FAM171A1: variants seen among roughly 807,000 people sequenced by gnomAD.
FAM171A1 encodes family with sequence similarity 171 member A1.
Under a neutral mutation model 74.9 loss-of-function variants are expected in FAM171A1, and 23 were observed. The observed-to-expected ratio is 0.31, with a 90% CI of 0.22 to 0.44. The LOEUF is 0.44. Ranked by LOEUF, FAM171A1 falls within the 20% of genes least tolerant of loss-of-function variation. The pLI, the probability that FAM171A1 is intolerant of heterozygous loss-of-function variation, is 1.00. For missense variants in FAM171A1, 1,162 were observed against 1,159.2 expected, an observed-to-expected ratio of 1.00 and a Z score of -0.03; for synonymous variants, 527 against 505.7, an observed-to-expected ratio of 1.04 and a Z score of -0.57.
intron 1 of FAM171A1, among the ~76,000 whole-genome samples, chr10:15,294,790 G>C (rs1051324023): frequency 2.6e-5 from 4 of 152,226 alleles, no homozygotes; most frequent in Non-Finnish European, 4.4e-5. Context: ...AGTTAAGAGT[G>C]AACAAGAGGA....
chr10:15,320,507 T>C (rs1835474380), intron 1 of FAM171A1, among the ~76,000 whole-genome samples: 1 of 152,268 alleles, frequency 6.6e-6, no homozygotes, highest in East Asian at 1.9e-4. Flanking sequence ...CCAGGTCGAA[T>C]GGCAGTTCTG....
At chr10:15,296,930 G>A (rs919465286) in intron 1 of FAM171A1, among the ~76,000 whole-genome samples, 1 of 152,210 alleles carries the variant, frequency 6.6e-6, no homozygotes, top group African/African-American at 2.4e-5. Context: ...TGAAAAGGCA[G>A]CCATGTGGTA....
At chr10:15,307,065 G>C (rs1835304364) in intron 1 of FAM171A1, among the ~76,000 whole-genome samples, 1 of 152,180 alleles carries the variant, frequency 6.6e-6, no homozygotes, top group Non-Finnish European at 1.5e-5. Context: ...AAGGCTCTCT[G>C]TTGGGTGACC....
chr10:15,362,134 A>G (rs1003020885), intron 1 of FAM171A1, among the ~76,000 whole-genome samples: 8 of 152,222 alleles, frequency 5.3e-5, no homozygotes, highest in Admixed American at 3.9e-4. Flanking sequence ...TGAAATCCAC[A>G]TTTGATCATC....
intron 1 of FAM171A1, among the ~76,000 whole-genome samples, chr10:15,327,360 A>G (rs1200493754): frequency 2.6e-5 from 4 of 152,176 alleles, no homozygotes; most frequent in Admixed American, 2.6e-4. Context: ...TAAGAATGTC[A>G]CAAATATGAC....
intron 1 of FAM171A1, among the ~76,000 whole-genome samples, chr10:15,328,149 T>C (rs979525660): frequency 6.6e-6 from 1 of 152,036 alleles, no homozygotes; most frequent in South Asian, 2.1e-4. Context: ...GACTGTTTTT[T>C]AAAATTTTTT....
At chr10:15,333,733 G>A (rs79167764) in intron 1 of FAM171A1, among the ~76,000 whole-genome samples, 3,067 of 151,702 alleles carry the variant, frequency 0.02, 102 homozygotes, top group African/African-American at 0.07. Flanking sequence ...CTACTCAGGG[G>A]ACTGTCATGG....
At chr10:15,312,984 C>T (rs183410560) in intron 1 of FAM171A1, among the ~76,000 whole-genome samples, 8 of 151,934 alleles carry the variant, frequency 5.3e-5, no homozygotes, top group East Asian at 1.9e-4. Context: ...GGTGAGCCAC[C>T]GTGCCCGGCC....
intron 1 of FAM171A1, among the ~76,000 whole-genome samples, chr10:15,330,840 C>T (rs1276665646): frequency 1.3e-5 from 2 of 150,856 alleles, no homozygotes; most frequent in East Asian, 3.9e-4. Context: ...GCCTCAGCCT[C>T]CCGAGTAGCT....
intron 1 of FAM171A1, among the ~76,000 whole-genome samples, chr10:15,362,889 T>C (rs1588572650): frequency 6.6e-6 from 1 of 152,368 alleles, no homozygotes; most frequent in African/African-American, 2.4e-5. Flanking sequence ...TTTCCACTTA[T>C]TTTCCAATAG....
At chr10:15,323,347 G>T (rs1451140490) in intron 1 of FAM171A1, among the ~76,000 whole-genome samples, 1 of 152,054 alleles carries the variant, frequency 6.6e-6, no homozygotes, top group African/African-American at 2.4e-5. Flanking sequence ...CAGCTACTTG[G>T]GAAGCTGAGA....
intron 2 of FAM171A1, among the ~76,000 whole-genome samples, chr10:15,278,887 C>A (rs776823304): frequency 3.9e-5 from 6 of 152,106 alleles, no homozygotes; most frequent in African/African-American, 7.2e-5. Flanking sequence ...CTATTATCAG[C>A]GATCCTTTCA....
chr10:15,274,695 C>A (rs1193067569), intron 3 of FAM171A1, among the ~76,000 whole-genome samples: 1 of 152,116 alleles, frequency 6.6e-6, no homozygotes, highest in Non-Finnish European at 1.5e-5. Context: ...GACATATAGA[C>A]CAATGGAACA....
chr10:15,220,913 C>T (rs373655009), intron 6 of FAM171A1, 31 bp downstream of exon 6: 40 of 1,539,312 alleles, frequency 2.6e-5, no homozygotes, highest in African/African-American at 1.9e-4. Flanking sequence ...GCAACTGATC[C>T]GCATCATCGC....
At chr10:15,320,452 G>T (rs1564277323) in intron 1 of FAM171A1, among the ~76,000 whole-genome samples, 1 of 152,104 alleles carries the variant, frequency 6.6e-6, no homozygotes, top group Non-Finnish European at 1.5e-5. Context: ...GTCTCTTTAT[G>T]GCAGAACGAT....
chr10:15,278,487 C>T (rs1243370735), intron 2 of FAM171A1, among the ~76,000 whole-genome samples: 1 of 152,094 alleles, frequency 6.6e-6, no homozygotes. Flanking sequence ...AGCCGAAAAG[C>T]GGAGACAACA....
chr10:15,329,902 T>C (rs867821311), intron 1 of FAM171A1, among the ~76,000 whole-genome samples: 10 of 152,194 alleles, frequency 6.6e-5, no homozygotes, highest in Non-Finnish European at 1.0e-4. Context: ...AAAGCAATGC[T>C]CCCTTTACTG....
intron 1 of FAM171A1, among the ~76,000 whole-genome samples, chr10:15,330,556 G>A (rs1162938518): frequency 2.6e-5 from 4 of 151,976 alleles, no homozygotes; most frequent in Non-Finnish European, 5.9e-5. Context: ...AATAAGTGTT[G>A]TGCAACCAAT....
intron 3 of FAM171A1, among the ~76,000 whole-genome samples, chr10:15,269,887 T>C (rs1316851597): frequency 1.3e-5 from 2 of 152,230 alleles, no homozygotes; most frequent in African/African-American, 4.8e-5. Flanking sequence ...ATAAATTCAC[T>C]GCTATCACCA....
Sources: allele counts gnomAD v4.1 joint callset (sites outside exome capture counted in the v4.1 genomes callset), GRCh38; gene constraint gnomAD v4.1.1; transcripts MANE v1.5; gene names NCBI Gene and HGNC (gene_info 2026-07-23, HGNC 2026-07-21).